Variants in USP43 observed in about 807,000 individuals in gnomAD.
The protein encoded by USP43 is ubiquitin carboxyl-terminal hydrolase 43.
Under a neutral mutation model 90.7 loss-of-function variants are expected in USP43, and 33 were observed. That is an observed-to-expected ratio of 0.36 (90% CI 0.28 to 0.49). The LOEUF is 0.49. Ranked by LOEUF, USP43 falls within the 20% of genes least tolerant of loss-of-function variation. The pLI, the probability that USP43 is intolerant of heterozygous loss-of-function variation, is 0.98. For missense variants in USP43, 1,274 were observed against 1,476.4 expected, an observed-to-expected ratio of 0.86 and a Z score of 2.25; for synonymous variants, 598 against 615.8, an observed-to-expected ratio of 0.97 and a Z score of 0.43.
chr17:9,718,984 T>C (rs996436957), intron 14 of USP43, among the ~76,000 whole-genome samples: 2 of 150,508 alleles, frequency 1.3e-5, no homozygotes, highest in Non-Finnish European at 3.0e-5. Context: ...TGTCTATGGC[T>C]GGGCACCGTG....
chr17:9,664,021 C>A (rs1398068404), intron 2 of USP43, among the ~76,000 whole-genome samples: 1 of 152,212 alleles, frequency 6.6e-6, no homozygotes, highest in Non-Finnish European at 1.5e-5. Flanking sequence ...GCACCAGACT[C>A]ACTTTCCAGC....
intron 7 of USP43, among the ~76,000 whole-genome samples, chr17:9,684,763 C>CAAAA (rs34404550): frequency 1.4e-4 from 9 of 65,764 alleles, no homozygotes; most frequent in African/African-American, 4.3e-4. Context: ...AACTCCATCT[C>CAAAA]AAAAAAAAAA....
At chr17:9,666,489 C>T (rs1258719308) in intron 2 of USP43, among the ~76,000 whole-genome samples, 159 bp from the exon 3 acceptor site, 2 of 151,736 alleles carry the variant, frequency 1.3e-5, no homozygotes, top group Admixed American at 6.6e-5. Context: ...ATTGAAAGAG[C>T]CTTGAGTTAT....
At chr17:9,655,612 C>T (rs1788278336) in intron 1 of USP43, among the ~76,000 whole-genome samples, 3 of 152,170 alleles carry the variant, frequency 2.0e-5, no homozygotes, top group African/African-American at 7.2e-5. Flanking sequence ...AATGCAAACA[C>T]CACGAGGGCA....
chr17:9,695,867 A>T (rs766119860), intron 9 of USP43, among the ~76,000 whole-genome samples: 6 of 152,178 alleles, frequency 3.9e-5, no homozygotes, highest in Non-Finnish European at 7.3e-5. Context: ...AACAGGAATC[A>T]TAGTGTTTAT....
At chr17:9,722,088 C>T (rs1916992547) in intron 14 of USP43, among the ~76,000 whole-genome samples, 1 of 152,092 alleles carries the variant, frequency 6.6e-6, no homozygotes, top group Non-Finnish European at 1.5e-5. Flanking sequence ...TTCGCTTTAT[C>T]TTGTTAGCTG....
At chr17:9,661,313 G>A (rs1912624876) in intron 2 of USP43, among the ~76,000 whole-genome samples, 1 of 152,138 alleles carries the variant, frequency 6.6e-6, no homozygotes, top group South Asian at 2.1e-4. Context: ...TATGTGCAGG[G>A]AAGATACACA....
chr17:9,684,482 A>G (rs1467204504), intron 7 of USP43, among the ~76,000 whole-genome samples: 2 of 152,050 alleles, frequency 1.3e-5, no homozygotes. Flanking sequence ...ATTCAGCATC[A>G]GCTTGGCACG....
chr17:9,709,838 G>T lies in USP43; in HGVS notation c.2012-118G>T. ...AAAAAATTCATTTCTGGCCAAAAAT[G>T]GACTGTTTTTTTCTCATTCTGGTTT... On this transcript the variant is annotated intron_variant, in intron 12 of 14. Coordinates refer to ENST00000285199, the MANE Select transcript of USP43 (RefSeq NM_153210.5). This position sits in a 1 kb window ranked among gnomAD's most constrained non-coding sequence, Gnocchi z 5.0. 8.9e-7 allele frequency: 1 copy of T among 1,121,872 alleles called. No homozygotes were observed. Among genetic ancestry groups the T allele is most frequent in the Non-Finnish European group, 1.1e-6 (1 of 870,926 alleles). The allele number at this position is 1,121,872 out of a possible 1,614,324, so 69.5% of individuals were successfully genotyped here.
At chr17:9,704,489 TA>T (rs1915762466) in intron 12 of USP43, among the ~76,000 whole-genome samples, 2 of 151,310 alleles carry the variant, frequency 1.3e-5, no homozygotes, top group African/African-American at 4.8e-5. Flanking sequence ...CTAATTTTTG[TA>T]TTTTTTAGTA....
rs1228962904 is a variant in USP43, at chr17:9,645,884, G to A, written c.252G>A (p.Gln84=). The stretch of plus-strand genomic sequence containing the variant: ...GGGAGGAACGCCCGCCCGGACCCCA[G>A]CCCCAGCTCCAGCTCCCCGCCGGCG... ...SPGEERPPGP[Q]PQLQLPAGDG... is the part of the protein sequence containing the mutation. The change falls in exon 1 of 15, where the codon CAG becomes CAA. Residue 84 remains glutamine, a synonymous_variant. Coordinates refer to ENST00000285199, the MANE Select transcript of USP43 (RefSeq NM_153210.5). This position sits in a 1 kb window ranked among gnomAD's most constrained non-coding sequence, Gnocchi z 6.8. 6.9e-7 allele frequency: 1 copy of A among 1,452,856 alleles called. No homozygotes were observed. The allele number at this position is 1,452,856 out of a possible 1,614,324, so 90.0% of individuals were successfully genotyped here.
At chr17:9,685,687 C>T (rs566128874) in intron 7 of USP43, among the ~76,000 whole-genome samples, 2 of 152,214 alleles carry the variant, frequency 1.3e-5, no homozygotes, top group South Asian at 2.1e-4. Flanking sequence ...TATTTTTAAT[C>T]GACACATAAT....
intron 1 of USP43, among the ~76,000 whole-genome samples, chr17:9,650,102 C>T (rs1177129610): frequency 6.6e-6 from 1 of 152,158 alleles, no homozygotes; most frequent in Non-Finnish European, 1.5e-5. Flanking sequence ...AACAGTAAGA[C>T]ATAAAATGGA....
chr17:9,719,280 G>A (rs1916790899), intron 14 of USP43, among the ~76,000 whole-genome samples: 1 of 152,192 alleles, frequency 6.6e-6, no homozygotes, highest in African/African-American at 2.4e-5. Flanking sequence ...GGAGAAATGT[G>A]CTTGATATCC....
At chr17:9,662,868 A>G (rs1597823040) in intron 2 of USP43, among the ~76,000 whole-genome samples, 1 of 147,466 alleles carries the variant, frequency 6.8e-6, no homozygotes, top group African/African-American at 2.5e-5. Flanking sequence ...CCCAGGCTGG[A>G]GTGCAGTGGT....
chr17:9,663,208 A>T (rs1912764863), intron 2 of USP43, among the ~76,000 whole-genome samples: 1 of 152,074 alleles, frequency 6.6e-6, no homozygotes, highest in Non-Finnish European at 1.5e-5. Flanking sequence ...TAGTTGAGAA[A>T]TCATGGAGCA....
intron 5 of USP43, 22 bp from the exon 6 acceptor site, chr17:9,680,209 A>G (rs1914072996): frequency 6.2e-7 from 1 of 1,608,258 alleles, no homozygotes; most frequent in Non-Finnish European, 8.5e-7. Flanking sequence ...ATCAAGAGGG[A>G]AAATGATCTT....
chr17:9,660,152 C>A (rs147658768), intron 2 of USP43, among the ~76,000 whole-genome samples: 4 of 152,032 alleles, frequency 2.6e-5, no homozygotes, highest in African/African-American at 9.7e-5. Context: ...GAAGGCCTGG[C>A]AATAATTCTT....
intron 14 of USP43, among the ~76,000 whole-genome samples, chr17:9,716,007 CTGTGTGTGTA>C (rs1275920327): frequency 7.2e-6 from 1 of 139,648 alleles, no homozygotes; most frequent in Non-Finnish European, 1.6e-5. Context: ...GTGTGTGTGT[CTGTGTGTGTA>C]TGTGTCTGTG....
Sources: gnomAD v4.1 joint callset for allele counts (sites outside exome capture counted in the v4.1 genomes callset) on GRCh38, gnomAD v4.1.1 for gene constraint, Gnocchi (gnomAD v3.1) non-coding constraint, MANE v1.5 for transcripts, NCBI Gene and HGNC (gene_info 2026-07-23, HGNC 2026-07-21) for gene names.